The following SASH1 variants were observed in gnomAD, a reference collection of about 807,000 sequenced individuals.
The protein encoded by SASH1 is SAM and SH3 domain containing 1, also known as SAM and SH3 domain-containing protein 1.
Under a neutral mutation model 125.2 loss-of-function variants are expected in SASH1, and 44 were observed. That is an observed-to-expected ratio of 0.35 (90% CI 0.28 to 0.45). SASH1 has a LOEUF of 0.45. Among genes scored for constraint, SASH1 ranks in the 20% least tolerant of loss-of-function variants. The probability of loss-of-function intolerance (pLI) is 1.00; values close to 1 mark genes in which losing one functional copy is unlikely to be tolerated. For missense variants in SASH1, 1,426 were observed against 1,614.5 expected, an observed-to-expected ratio of 0.88 and a Z score of 2.00; for synonymous variants, 639 against 649.1, an observed-to-expected ratio of 0.98 and a Z score of 0.24.
chr6:148,285,687 C>T lies in SASH1; in HGVS notation n.74+13310C>T, dbSNP rs556009137. ...AGAAGATGTTTCTCCCCTTTCTTTA[C>T]TTTTCAAGTGAAAAGTGAAATGTTC... On this transcript the variant is annotated intron_variant and non_coding_transcript_variant, in intron 1 of 3. Coordinates refer to the SASH1 transcript ENST00000367469. 2.6e-5 allele frequency among the ~76,000 whole-genome samples: 4 copies of T among 152,200 alleles called. No homozygotes were observed. In the East Asian group the frequency reaches 7.7e-4, roughly 29 times the overall value.
At chr6:148,523,976 A>ACTTT (rs1407460382) in intron 10 of SASH1, among the ~76,000 whole-genome samples, 1 of 151,844 alleles carries the variant, frequency 6.6e-6, no homozygotes, top group Non-Finnish European at 1.5e-5. Context: ...GAGTGTAAGT[A>ACTTT]CTTTACCTGA....
chr6:148,453,996 C>T (rs1432534168), intron 4 of SASH1, among the ~76,000 whole-genome samples: 3 of 152,208 alleles, frequency 2.0e-5, no homozygotes, highest in East Asian at 1.9e-4. Context: ...TCAGGTGGTA[C>T]AGCCTGAAGT....
At chr6:148,475,814 A>ACAC (rs1415096773) in intron 7 of SASH1, among the ~76,000 whole-genome samples, 1 of 152,164 alleles carries the variant, frequency 6.6e-6, no homozygotes, top group East Asian at 1.9e-4. Flanking sequence ...CCCTATACAT[A>ACAC]CTATGTATGT....
chr6:148,458,461 C>T (rs1366038537), intron 4 of SASH1, among the ~76,000 whole-genome samples: 2 of 152,112 alleles, frequency 1.3e-5, no homozygotes, highest in East Asian at 1.9e-4. Flanking sequence ...TGGATATTGA[C>T]ATGGGAGGCA....
At chr6:148,232,950 A>G in the SASH1 span, among the ~76,000 whole-genome samples, 1 of 152,098 alleles carries the variant, frequency 6.6e-6, no homozygotes, top group Non-Finnish European at 1.5e-5. Flanking sequence ...GAGGAAACTG[A>G]AATTCAGAGA....
chr6:148,468,822 C>A, intron 5 of SASH1: 1 of 391,822 alleles, frequency 2.6e-6, no homozygotes, highest in Non-Finnish European at 4.5e-6. Flanking sequence ...AGCATTTTCC[C>A]ATGACTGAAT....
rs1452266849 is a variant in SASH1 at position 148,467,100 on chromosome 6, T to TTTG, written c.387-1443_387-1442insGTT. Among the ~76,000 whole-genome samples the TTTG allele has an allele frequency of 4.2e-4, 50 of 118,642 alleles. 1 individual carries two copies. The South Asian group carries it at 0.012, about 29-fold the overall frequency. The allele number at this position is 118,642 out of a possible 152,430, so 77.8% of individuals were successfully genotyped here. On this transcript the variant is annotated intron_variant, in intron 4 of 19. Transcript: ENST00000367467. ...CTGTTCCCTGTTCCTTTTTTTTTTTTTTTTTTTTTTTTTGGTGATACAGTT... is the reference window on the plus strand; with the variant it reads ...CTGTTCCCTGTTCCTTTTTTTTTTTTTTGTTTTTTTTTTTTTGGTGATACAGTT...
intron 4 of SASH1, among the ~76,000 whole-genome samples, chr6:148,443,046 G>A (rs1049505246): frequency 7.9e-5 from 12 of 151,344 alleles, no homozygotes; most frequent in Admixed American, 7.9e-4. Context: ...AAAGTGCTGG[G>A]ATTACAGGGA....
chr6:148,432,190 G>C (rs534787999), intron 2 of SASH1, among the ~76,000 whole-genome samples: 2 of 152,240 alleles, frequency 1.3e-5, no homozygotes, highest in African/African-American at 2.4e-5. Context: ...GGTTAGGCTG[G>C]TCTCAAACTC....
At chr6:148,242,805 C>A in the SASH1 span, among the ~76,000 whole-genome samples, 1 of 152,094 alleles carries the variant, frequency 6.6e-6, no homozygotes, top group Non-Finnish European at 1.5e-5. Flanking sequence ...TTTTAGGATT[C>A]TTTTTCTCTA....
intron 1 of SASH1, among the ~76,000 whole-genome samples, chr6:148,293,462 C>T (rs931235981): frequency 3.9e-5 from 6 of 152,300 alleles, no homozygotes; most frequent in East Asian, 1.9e-4. Context: ...CCACAGGTTT[C>T]GGAGATGGCA....
intron 2 of SASH1, among the ~76,000 whole-genome samples, chr6:148,421,150 A>AAGG (rs1562396387): frequency 0.095 from 4,489 of 47,490 alleles, 108 homozygotes; most frequent in Middle Eastern, 0.14. Context: ...AGGAAGGAAG[A>AAGG]AAGAAAGAAA....
chr6:148,513,772 G>T (rs974323547), intron 8 of SASH1: 64 of 985,906 alleles, frequency 6.5e-5, no homozygotes, highest in Non-Finnish European at 7.6e-5. Context: ...GGAAGGGCTG[G>T]CTGCAATGTG....
chr6:148,336,121 A>C (rs2114613531), intron 1 of SASH1, among the ~76,000 whole-genome samples: 1 of 150,444 alleles, frequency 6.6e-6, no homozygotes, highest in African/African-American at 2.4e-5. Flanking sequence ...AAAATGGAAA[A>C]CCTAGCTTTG....
intron 1 of SASH1, among the ~76,000 whole-genome samples, chr6:148,374,527 A>G (rs573786877): frequency 6.6e-6 from 1 of 152,312 alleles, no homozygotes; most frequent in Admixed American, 6.5e-5. Flanking sequence ...AATGATGTGA[A>G]TTCGTTGCAG....
At chr6:148,249,307 G>T in the SASH1 span, among the ~76,000 whole-genome samples, 1 of 151,494 alleles carries the variant, frequency 6.6e-6, no homozygotes, top group Admixed American at 6.6e-5. Flanking sequence ...AGAGACTGTA[G>T]ATGTGAGTGC....
intron 1 of SASH1, among the ~76,000 whole-genome samples, chr6:148,366,114 A>G (rs1276108338): frequency 7.0e-6 from 1 of 143,478 alleles, no homozygotes; most frequent in African/African-American, 2.5e-5. Flanking sequence ...CTCTGTCTCA[A>G]AAAAGAAAAG....
At chr6:148,329,097 G>A (rs954490977) in intron 1 of SASH1, among the ~76,000 whole-genome samples, 1 of 152,164 alleles carries the variant, frequency 6.6e-6, no homozygotes, top group African/African-American at 2.4e-5. Context: ...TTAATGGATA[G>A]ACTGTCCAAA....
chr6:148,293,325 G>C (rs1779682356), intron 1 of SASH1, among the ~76,000 whole-genome samples: 1 of 152,210 alleles, frequency 6.6e-6, no homozygotes, highest in East Asian at 1.9e-4. Flanking sequence ...ATGCAGCCAG[G>C]AATCAGCAGC....
Sources: allele counts gnomAD v4.1 joint callset (sites outside exome capture counted in the v4.1 genomes callset), GRCh38; gene constraint gnomAD v4.1.1; transcripts MANE v1.5; gene names NCBI Gene and HGNC (gene_info 2026-07-23, HGNC 2026-07-21).